The following USP46 variants were observed in gnomAD, a reference collection of about 807,000 sequenced individuals.
USP46 encodes ubiquitin carboxyl-terminal hydrolase 46.
Under a neutral mutation model 44.4 loss-of-function variants are expected in USP46, and 12 were observed. The observed-to-expected ratio is 0.27, with a 90% CI of 0.17 to 0.44. USP46 has a LOEUF of 0.44. Among genes scored for constraint, USP46 ranks in the 20% least tolerant of loss-of-function variants. The probability of loss-of-function intolerance (pLI) is 1.00; values close to 1 mark genes in which losing one functional copy is unlikely to be tolerated. For synonymous variants in USP46, 155 were observed against 161.5 expected, an observed-to-expected ratio of 0.96 and a Z score of 0.31; for missense variants, 248 against 444.8, an observed-to-expected ratio of 0.56 and a Z score of 3.98.
chr4:52,658,084 C>A, intron 1 of USP46: 4 of 400,776 alleles, frequency 1.0e-5, no homozygotes, highest in Admixed American at 5.4e-5. Flanking sequence ...TGTAAGAGCA[C>A]GTGTTGCCTC....
intron 5 of USP46, among the ~76,000 whole-genome samples, chr4:52,608,807 C>T (rs138003052): frequency 6.6e-6 from 1 of 152,202 alleles, no homozygotes; most frequent in Non-Finnish European, 1.5e-5. Context: ...ATCTCATCGG[C>T]ACTGGGAGAA....
intron 4 of USP46, among the ~76,000 whole-genome samples, chr4:52,613,846 T>C (rs951863631): frequency 6.6e-6 from 1 of 152,102 alleles, no homozygotes; most frequent in African/African-American, 2.4e-5. Flanking sequence ...ACCTAAGACA[T>C]TGTTAAAAGA....
intron 1 of USP46, among the ~76,000 whole-genome samples, chr4:52,650,367 A>C (rs1718709599): frequency 6.6e-6 from 1 of 152,250 alleles, no homozygotes; most frequent in Non-Finnish European, 1.5e-5. Flanking sequence ...TTTTATCCAC[A>C]CACAAACGTT....
chr4:52,610,649 C>T (rs750573309), intron 4 of USP46, 32 bp from the exon 5 acceptor site: 7 of 1,600,080 alleles, frequency 4.4e-6, no homozygotes, highest in Non-Finnish European at 6.0e-6. Context: ...ATATATTAGG[C>T]ATGAAATATG....
chr4:52,608,805 G>A (rs1342150270), intron 5 of USP46, among the ~76,000 whole-genome samples: 1 of 152,130 alleles, frequency 6.6e-6, no homozygotes, highest in African/African-American at 2.4e-5. Flanking sequence ...GGATCTCATC[G>A]GCACTGGGAG....
At position 52,595,939 on chromosome 4, in the gene USP46, G is replaced by C. The variant is rs1415093094; in HGVS notation, c.*1701C>G. 6.6e-6 allele frequency: 1 copy of C among 152,600 alleles called. No individual in the cohort carries two copies. The highest frequency in any genetic ancestry group is 1.5e-5 in the Non-Finnish European group (1 of 68,038). The allele number at this position is 152,600 out of a possible 1,614,324, so 9.5% of individuals were successfully genotyped here. On this transcript the variant is annotated 3_prime_UTR_variant, in exon 9 of 9. Coordinates refer to ENST00000441222, the MANE Select transcript of USP46 (RefSeq NM_022832.4). ...AGGAAAAAAAAATATTTATAAATGT[G>C]AAATTGCCTCTAAACAAGGCAAGGT...
At chr4:52,613,976 C>T (rs891909361) in intron 4 of USP46, among the ~76,000 whole-genome samples, 1 of 152,024 alleles carries the variant, frequency 6.6e-6, no homozygotes, top group Non-Finnish European at 1.5e-5. Context: ...CATCAAAAAA[C>T]GTGAAACCCC....
intron 4 of USP46, among the ~76,000 whole-genome samples, chr4:52,624,928 A>C (rs1023434692): frequency 2.6e-5 from 4 of 152,324 alleles, no homozygotes; most frequent in African/African-American, 9.6e-5. Flanking sequence ...TTCAGCCTCC[A>C]GAACTGTGAG....
intron 7 of USP46, among the ~76,000 whole-genome samples, chr4:52,599,479 A>G (rs1716374578): frequency 6.6e-6 from 1 of 152,150 alleles, no homozygotes; most frequent in Non-Finnish European, 1.5e-5. Context: ...ATTGCAGGTA[A>G]GATTTTAGGC....
intron 1 of USP46, among the ~76,000 whole-genome samples, chr4:52,632,989 G>GAAAGAAAGAAAGAAAAGAAA (rs1717954136): frequency 4.4e-4 from 14 of 31,974 alleles, no homozygotes; most frequent in South Asian, 2.6e-3. Context: ...AGAAAGAAAA[G>GAAAGAAAGAAAGAAAAGAAA]AAAAGAAAGA....
At chr4:52,600,574 G>A (rs1196571567) in intron 7 of USP46, among the ~76,000 whole-genome samples, 9 of 151,914 alleles carry the variant, frequency 5.9e-5, no homozygotes, top group African/African-American at 1.7e-4. Flanking sequence ...CCCGCTGAAC[G>A]TCCAGTTCCC....
Position 52,652,588 on chromosome 4 carries a change from G to A in USP46, c.36+6527C>T, listed in dbSNP as rs116110302. Among the ~76,000 whole-genome samples the A allele has an allele frequency of 1.3e-3, 204 of 152,088 alleles. 1 individual carries two copies. The highest frequency in any genetic ancestry group is 2.5e-3 in the Non-Finnish European group (172 of 67,996). On this transcript the variant is annotated intron_variant, in intron 1 of 8. Coordinates refer to ENST00000441222, the MANE Select transcript of USP46 (RefSeq NM_022832.4). Reference sequence around the variant, plus strand: ...AAACTAGGATTATGTGTCTCTCAATGGATAAATAGCAAAATCACAATTTAA... The same window carrying A: ...AAACTAGGATTATGTGTCTCTCAATAGATAAATAGCAAAATCACAATTTAA...
At chr4:52,636,380 C>G (rs970480938) in intron 1 of USP46, among the ~76,000 whole-genome samples, 23 of 152,092 alleles carry the variant, frequency 1.5e-4, no homozygotes, top group Non-Finnish European at 3.1e-4. Context: ...CTTCTGACCT[C>G]CAGAACTGTA....
intron 4 of USP46, among the ~76,000 whole-genome samples, chr4:52,619,150 C>G (rs969385104): frequency 6.6e-6 from 1 of 152,148 alleles, no homozygotes; most frequent in Non-Finnish European, 1.5e-5. Context: ...TCTGAAGTGC[C>G]TTTATCAAGG....
rs145413378 is a variant in USP46, at chr4:52,607,825, G to C, written c.638+2716C>G. On this transcript the variant is annotated intron_variant, in intron 5 of 8. Coordinates refer to ENST00000441222, the MANE Select transcript of USP46 (RefSeq NM_022832.4). ...TCCCCCTTCATCTTCTGCCATAATT[G>C]TAAGTTTCCTGAGGCTTCCTCAGAA... Among the ~76,000 whole-genome samples, 560 of 152,262 alleles carry C rather than the reference G, an allele frequency of 3.7e-3. 4 individuals carry two copies. Among genetic ancestry groups the C allele is most frequent in the African/African-American group, 0.013 (534 of 41,536 alleles).
chr4:52,608,068 C>CAGGAAGGA (rs1181264968), intron 5 of USP46, among the ~76,000 whole-genome samples: 1 of 152,010 alleles, frequency 6.6e-6, no homozygotes, highest in African/African-American at 2.4e-5. Flanking sequence ...CCCTCGTTCT[C>CAGGAAGGA]AGGAAGGAAG....
chr4:52,640,924 A>AT lies in USP46; in HGVS notation c.37-9781dup, dbSNP rs561028798. ...AAATACCTCAGAGCTGTATTTGGCC[A>AT]TTTTTTTTTTTTTACCACTATGAAA... is the stretch of plus-strand genomic sequence containing the variant. On this transcript the variant is annotated intron_variant, in intron 1 of 8. Transcript: ENST00000441222. Among the ~76,000 whole-genome samples, 197 of 144,862 alleles carry AT rather than the reference A, an allele frequency of 1.4e-3. 1 individual carries two copies. The highest frequency in any genetic ancestry group is 4.8e-3 in the East Asian group (24 of 5,024).
At chr4:52,627,886 G>A in intron 3 of USP46, 64 bp downstream of exon 3, 1 of 1,494,536 alleles carries the variant, frequency 6.7e-7, no homozygotes, top group Non-Finnish European at 9.0e-7. Flanking sequence ...CTTTTGAGGA[G>A]ATACAGAACC....
At chr4:52,628,640 A>G (rs949151318) in intron 2 of USP46, among the ~76,000 whole-genome samples, 1 of 152,262 alleles carries the variant, frequency 6.6e-6, no homozygotes, top group Non-Finnish European at 1.5e-5. Context: ...GAAACAGCCT[A>G]AACTGAACAG....
Sources: gnomAD v4.1 joint callset for allele counts (sites outside exome capture counted in the v4.1 genomes callset) on GRCh38, gnomAD v4.1.1 for gene constraint, MANE v1.5 for transcripts, NCBI Gene and HGNC (gene_info 2026-07-23, HGNC 2026-07-21) for gene names.